Variants in RPS6KC1 observed in about 807,000 individuals in gnomAD.
RPS6KC1 encodes the protein ribosomal protein S6 kinase C1, also known as inactive ribosomal protein S6 kinase delta-1.
In RPS6KC1, 54 loss-of-function variants were observed where a neutral mutation model predicts 103.8. The observed-to-expected ratio is 0.52, with a 90% confidence interval of 0.42 to 0.65. The LOEUF (loss-of-function observed/expected upper bound fraction) is 0.65. RPS6KC1 is among the 30% of genes least tolerant of loss of function. The probability of loss-of-function intolerance (pLI) is 0.00; values close to 1 mark genes in which losing one functional copy is unlikely to be tolerated. For missense variants in RPS6KC1, 1,151 were observed against 1,253.8 expected, an observed-to-expected ratio of 0.92 and a Z score of 1.24; for synonymous variants, 439 against 438.7, an observed-to-expected ratio of 1.00 and a Z score of -0.01.
chr1:213,610,840 A>G, the RPS6KC1 span, among the ~76,000 whole-genome samples: 4,351 of 152,302 alleles, frequency 0.029, 407 homozygotes, highest in East Asian at 0.28. Flanking sequence ...GATTCAGCCA[A>G]TCAAGTCAAT....
At chr1:213,602,038 T>C in the RPS6KC1 span, among the ~76,000 whole-genome samples, 96 of 26,552 alleles carry the variant, frequency 3.6e-3, 16 homozygotes, top group Middle Eastern at 0.021. Context: ...CTCTTTCTCT[T>C]TCTTTCTTTC....
At position 213,150,321 on chromosome 1, in the gene RPS6KC1, TA is replaced by T. The variant is rs374726369; in HGVS notation, c.836-17536del. On this transcript the variant is annotated intron_variant, in intron 6 of 14. Transcript: ENST00000366960. The stretch of plus-strand genomic sequence containing the variant: ...TTATTTATTTATTTATTTATTTATT[TA>T]TTTATTTTTTATTGATAATTCTTGG... Among the ~76,000 whole-genome samples the T allele has an allele frequency of 9.1e-3, 1,268 of 139,118 alleles. 32 individuals are homozygous for T. Among genetic ancestry groups the T allele is most frequent in the East Asian group, 0.07 (343 of 4,878 alleles). The allele number at this position is 139,118 out of a possible 152,430, so 91.3% of individuals were successfully genotyped here. A position where few individuals can be genotyped will look rare whatever the true frequency, so the allele number is the denominator to read the frequency against.
chr1:213,074,406 G>A (rs1004968240), intron 2 of RPS6KC1, among the ~76,000 whole-genome samples: 2 of 152,140 alleles, frequency 1.3e-5, no homozygotes, highest in Admixed American at 6.5e-5. Flanking sequence ...TTTTCAATGG[G>A]AAAGTATTGA....
At chr1:213,580,693 C>G in the RPS6KC1 span, among the ~76,000 whole-genome samples, 3 of 152,016 alleles carry the variant, frequency 2.0e-5, no homozygotes, top group Non-Finnish European at 4.4e-5. Flanking sequence ...CAGCAGCCAT[C>G]AACATAGAAG....
the RPS6KC1 span, among the ~76,000 whole-genome samples, chr1:213,545,575 G>A: frequency 6.6e-6 from 1 of 151,998 alleles, no homozygotes; most frequent in East Asian, 1.9e-4. Context: ...AAAGACACCA[G>A]TCACATTGGA....
chr1:213,602,128 T>TTC, the RPS6KC1 span, among the ~76,000 whole-genome samples: 143 of 56,246 alleles, frequency 2.5e-3, 6 homozygotes, highest in African/African-American at 8.8e-3. Flanking sequence ...TTCTCTTTCT[T>TTC]TCTTTCTTTC....
chr1:213,707,238 A>T, the RPS6KC1 span, among the ~76,000 whole-genome samples: 1 of 152,148 alleles, frequency 6.6e-6, no homozygotes, highest in Non-Finnish European at 1.5e-5. Context: ...AATGATCAGC[A>T]TTCTAACTGG....
intron 8 of RPS6KC1, among the ~76,000 whole-genome samples, chr1:213,180,551 A>T (rs577467030): frequency 6.6e-6 from 1 of 152,206 alleles, no homozygotes; most frequent in Non-Finnish European, 1.5e-5. Flanking sequence ...TTGGGATGCT[A>T]TAGAATGAAC....
chr1:213,255,881 G>A (rs1176609484), intron 12 of RPS6KC1, among the ~76,000 whole-genome samples: 1 of 152,018 alleles, frequency 6.6e-6, no homozygotes. Flanking sequence ...ACTCTTTGTC[G>A]TAGCTTAGAG....
intron 10 of RPS6KC1, 99 bp downstream of exon 10, chr1:213,232,354 C>G: frequency 6.8e-7 from 1 of 1,469,482 alleles, no homozygotes. Flanking sequence ...ATATATGAAA[C>G]ACGTTTAAGA....
chr1:213,396,540 C>T, the RPS6KC1 span, among the ~76,000 whole-genome samples: 5 of 152,188 alleles, frequency 3.3e-5, no homozygotes, highest in Non-Finnish European at 7.3e-5. Context: ...CCCCTCCTTG[C>T]CCTTCCCTGT....
intron 7 of RPS6KC1, among the ~76,000 whole-genome samples, chr1:213,174,220 GTC>G (rs879326718): frequency 7.2e-5 from 11 of 152,194 alleles, no homozygotes; most frequent in Non-Finnish European, 1.3e-4. Flanking sequence ...TTCTTCCACT[GTC>G]TCTCTTCCTG....
At chr1:213,622,432 G>A in the RPS6KC1 span, among the ~76,000 whole-genome samples, 3 of 152,142 alleles carry the variant, frequency 2.0e-5, no homozygotes, top group East Asian at 1.9e-4. Context: ...TCAGTGGGCC[G>A]GACAGTAGGG....
At chr1:213,244,113 A>T (rs769356623) in intron 12 of RPS6KC1, among the ~76,000 whole-genome samples, 2 of 151,454 alleles carry the variant, frequency 1.3e-5, no homozygotes, top group African/African-American at 4.9e-5. Flanking sequence ...TCTCAAATAG[A>T]TAATGTGATG....
chr1:213,520,161 T>C, the RPS6KC1 span, among the ~76,000 whole-genome samples: 7 of 152,150 alleles, frequency 4.6e-5, no homozygotes, highest in Non-Finnish European at 1.0e-4. Context: ...ATTTTCACGC[T>C]GCTGATAAAG....
the RPS6KC1 span, among the ~76,000 whole-genome samples, chr1:213,398,474 C>A: frequency 6.6e-6 from 1 of 152,068 alleles, no homozygotes; most frequent in Non-Finnish European, 1.5e-5. Context: ...GTGGTGAGGA[C>A]AGGCTCTTTG....
the RPS6KC1 span, among the ~76,000 whole-genome samples, chr1:213,497,594 A>G: frequency 6.6e-6 from 1 of 152,210 alleles, no homozygotes; most frequent in African/African-American, 2.4e-5. Context: ...ATTAAAATTC[A>G]TTGTCTTAAA....
chr1:213,730,968 C>A, the RPS6KC1 span, among the ~76,000 whole-genome samples: 11 of 152,260 alleles, frequency 7.2e-5, no homozygotes, highest in East Asian at 2.1e-3. Context: ...ATGAAGGGGT[C>A]CAATTTCAAT....
the RPS6KC1 span, among the ~76,000 whole-genome samples, chr1:213,419,021 A>G: frequency 1.3e-5 from 2 of 152,182 alleles, no homozygotes; most frequent in Non-Finnish European, 2.9e-5. Context: ...CAGTTCCCCA[A>G]CCCACGCACA....
Sources: gnomAD v4.1 joint callset for allele counts (sites outside exome capture counted in the v4.1 genomes callset) on GRCh38, gnomAD v4.1.1 for gene constraint, MANE v1.5 for transcripts, NCBI Gene and HGNC (gene_info 2026-07-23, HGNC 2026-07-21) for gene names.